The following ARL8B variants were observed in gnomAD, a reference collection of about 807,000 sequenced individuals.
ARL8B encodes the protein ADP-ribosylation factor-like protein 8B.
Under a neutral mutation model 30.6 loss-of-function variants are expected in ARL8B, and 9 were observed. The observed-to-expected ratio is 0.29, with a 90% CI of 0.18 to 0.51. ARL8B has a LOEUF of 0.51. Among genes scored for constraint, ARL8B ranks in the 20% least tolerant of loss-of-function variants. The pLI is 0.97. For missense variants in ARL8B, 130 were observed against 227.2 expected, an observed-to-expected ratio of 0.57 and a Z score of 2.75; for synonymous variants, 74 against 76.0, an observed-to-expected ratio of 0.97 and a Z score of 0.14.
chr3:5,152,629 G>C (rs1476465936), intron 1 of ARL8B, among the ~76,000 whole-genome samples: 1 of 152,178 alleles, frequency 6.6e-6, no homozygotes, highest in East Asian at 1.9e-4. Flanking sequence ...GGGACTAAGG[G>C]CGCGTGCCGC....
At chr3:5,155,890 T>TTGTGTG (rs147206469) in intron 1 of ARL8B, among the ~76,000 whole-genome samples, 25 of 147,674 alleles carry the variant, frequency 1.7e-4, no homozygotes, top group African/African-American at 4.6e-4. Context: ...AAGATAATTT[T>TTGTGTG]TGTGTGTGTG....
chr3:5,160,588 A>T (rs2054572294), intron 1 of ARL8B, among the ~76,000 whole-genome samples: 2 of 152,208 alleles, frequency 1.3e-5, no homozygotes, highest in East Asian at 3.9e-4. Context: ...ATTAACAGGC[A>T]GTAGAGTTAG....
intron 1 of ARL8B, among the ~76,000 whole-genome samples, chr3:5,153,730 T>G (rs1231200139): frequency 6.6e-6 from 1 of 152,172 alleles, no homozygotes; most frequent in Non-Finnish European, 1.5e-5. Context: ...TCTTTTGATT[T>G]CTCTTCATTT....
Position 5,179,838 on chromosome 3 carries a change from A to C in ARL8B, c.*1125A>C, listed in dbSNP as rs1256336434. 3 of 152,476 alleles carry C rather than the reference A, an allele frequency of 2.0e-5. No individual in the cohort carries two copies. The highest frequency in any genetic ancestry group is 2.0e-4 in the Admixed American group (3 of 15,284). 9.4% of individuals were successfully genotyped at this position (152,476 alleles called of 1,614,324 possible). A position where few individuals can be genotyped will look rare whatever the true frequency, so the allele number is the denominator to read the frequency against. ...GCTTTATCTAATGTAATCATGCTCA[A>C]TGTCTACAGGTTGTTTAATAATCAG... On this transcript the variant is annotated 3_prime_UTR_variant, in exon 7 of 7. Coordinates refer to ENST00000256496, the MANE Select transcript of ARL8B (RefSeq NM_018184.3).
intron 1 of ARL8B, among the ~76,000 whole-genome samples, chr3:5,158,143 C>G (rs904496176): frequency 6.6e-6 from 1 of 152,074 alleles, no homozygotes; most frequent in Non-Finnish European, 1.5e-5. Flanking sequence ...GCCACCACTC[C>G]CGGCTCATTT....
At chr3:5,142,155 T>G (rs1406846357) in intron 1 of ARL8B, among the ~76,000 whole-genome samples, 1 of 152,116 alleles carries the variant, frequency 6.6e-6, no homozygotes, top group Admixed American at 6.6e-5. Flanking sequence ...TGGTAACAAG[T>G]TGGGGAGGTT....
chr3:5,178,481 A>G (rs2054750102), intron 6 of ARL8B, among the ~76,000 whole-genome samples, 183 bp from the exon 7 acceptor site: 1 of 151,864 alleles, frequency 6.6e-6, no homozygotes, highest in Admixed American at 6.6e-5. Context: ...AAAACGCTTC[A>G]GTCTCTGATA....
chr3:5,173,888 A>T, intron 4 of ARL8B, 129 bp from the exon 5 acceptor site: 1 of 750,494 alleles, frequency 1.3e-6, no homozygotes, highest in South Asian at 1.5e-5. Context: ...GCCACCAGTT[A>T]CACAAATAGG....
intron 1 of ARL8B, among the ~76,000 whole-genome samples, chr3:5,151,618 T>C (rs899478876): frequency 1.2e-4 from 18 of 152,206 alleles, no homozygotes; most frequent in African/African-American, 4.3e-4. Flanking sequence ...GATAGCTTTA[T>C]ATTAATTATT....
chr3:5,173,943 A>G (rs1037678234), intron 4 of ARL8B, 74 bp from the exon 5 acceptor site: 4 of 1,080,026 alleles, frequency 3.7e-6, no homozygotes, highest in Non-Finnish European at 5.7e-6. Flanking sequence ...TTGTGTCTTC[A>G]CATATCAAGA....
At chr3:5,146,030 A>G (rs1267655325) in intron 1 of ARL8B, among the ~76,000 whole-genome samples, 4 of 152,230 alleles carry the variant, frequency 2.6e-5, no homozygotes, top group African/African-American at 9.6e-5. Flanking sequence ...ACATATTGTA[A>G]CAACTGGGTT....
chr3:5,122,537 G>A lies in ARL8B; in HGVS notation c.72G>A (p.Thr24=). Residue 24 remains threonine (T), a synonymous_variant, in exon 1 of 7, where the codon ACG becomes ACA. Transcript: ENST00000256496. ...TCTGGAAGGAAGAGATGGAGCTGAC[G>A]CTCGTGGGGCTGCAGTACTCGGGCA... is the stretch of plus-strand genomic sequence containing the variant. ...SLFWKEEMEL[T]LVGLQYSGKT... is the part of the protein sequence containing the mutation. The A allele has an allele frequency of 6.2e-7, 1 of 1,612,882 alleles. No individual in the cohort carries two copies. Among genetic ancestry groups the A allele is most frequent in the Non-Finnish European group, 8.5e-7 (1 of 1,179,492 alleles).
At chr3:5,158,695 C>G (rs2054552845) in intron 1 of ARL8B, among the ~76,000 whole-genome samples, 1 of 152,130 alleles carries the variant, frequency 6.6e-6, no homozygotes, top group South Asian at 2.1e-4. Context: ...AACAGGGTCT[C>G]TTAGAGTAAT....
At chr3:5,129,892 C>G (rs1245078054) in intron 1 of ARL8B, among the ~76,000 whole-genome samples, 1 of 152,126 alleles carries the variant, frequency 6.6e-6, no homozygotes, top group African/African-American at 2.4e-5. Flanking sequence ...CAGACAGAGT[C>G]TTGCTCTATC....
chr3:5,154,451 C>T (rs1474521379), intron 1 of ARL8B, among the ~76,000 whole-genome samples: 4 of 151,706 alleles, frequency 2.6e-5, no homozygotes. Flanking sequence ...TCTCATGCCT[C>T]AGCCTCCCGA....
chr3:5,130,921 G>A (rs1404705563), intron 1 of ARL8B, among the ~76,000 whole-genome samples: 5 of 151,948 alleles, frequency 3.3e-5, no homozygotes, highest in African/African-American at 7.3e-5. Flanking sequence ...CCTTTTCTTC[G>A]CTCTTTTCTT....
rs536747683 is a variant in ARL8B at position 5,136,738 on chromosome 3, A to G, written c.123+14150A>G. ...ATAGAGGAAGTAGGCCTTTGAAGTAAATGTTAGATTGTGGTAATGATGGAG... is the reference window on the plus strand; with the variant it reads ...ATAGAGGAAGTAGGCCTTTGAAGTAGATGTTAGATTGTGGTAATGATGGAG... On this transcript the variant is annotated intron_variant, in intron 1 of 6. Transcript: ENST00000256496. Among the ~76,000 whole-genome samples, 5 of 147,782 alleles carry G rather than the reference A, an allele frequency of 3.4e-5. No individual in the cohort carries two copies. In the South Asian group the frequency reaches 1.1e-3, roughly 31 times the overall value.
chr3:5,162,987 C>CTTTT lies in ARL8B; in HGVS notation c.124-7501_124-7498dup, dbSNP rs58230539. Among the ~76,000 whole-genome samples the CTTTT allele has an allele frequency of 6.7e-3, 847 of 125,798 alleles. 44 individuals carry two copies. Among genetic ancestry groups the CTTTT allele is most frequent in the African/African-American group, 0.023 (725 of 31,210 alleles). 82.5% of individuals were successfully genotyped at this position (125,798 alleles called of 152,430 possible). A position where few individuals can be genotyped will look rare whatever the true frequency, so the allele number is the denominator to read the frequency against. On this transcript the variant is annotated intron_variant, in intron 1 of 6. Coordinates refer to ENST00000256496, the MANE Select transcript of ARL8B (RefSeq NM_018184.3). ...GTGTGTACTCAGTGTTTAGCTCCCACTTTTTTTTTTTTTTTTTTGAGACGG... is the reference window on the plus strand; with the variant it reads ...GTGTGTACTCAGTGTTTAGCTCCCACTTTTTTTTTTTTTTTTTTTTTTGAGACGG...
chr3:5,177,590 G>A (rs1201675469), intron 6 of ARL8B, among the ~76,000 whole-genome samples: 2 of 151,786 alleles, frequency 1.3e-5, no homozygotes, highest in Non-Finnish European at 2.9e-5. Context: ...CGAGTAGCTG[G>A]GATTACAGGC....
Sources: allele counts gnomAD v4.1 joint callset (sites outside exome capture counted in the v4.1 genomes callset), GRCh38; gene constraint gnomAD v4.1.1; transcripts MANE v1.5; gene names NCBI Gene and HGNC (gene_info 2026-07-23, HGNC 2026-07-21).